The following POLR1B variants were observed in gnomAD, a reference collection of about 807,000 sequenced individuals.
POLR1B encodes DNA-directed RNA polymerase I subunit RPA2.
A neutral mutation model predicts 105.8 loss-of-function variants in POLR1B; 30 were observed. The observed-to-expected ratio is 0.28, with a 90% confidence interval of 0.21 to 0.38. The LOEUF is 0.38. POLR1B is among the 10% of genes least tolerant of loss of function. The pLI is 1.00. For missense variants in POLR1B, 976 were observed against 1,435.8 expected, an observed-to-expected ratio of 0.68 and a Z score of 5.17; for synonymous variants, 485 against 505.1, an observed-to-expected ratio of 0.96 and a Z score of 0.53.
chr2:112,559,881 C>T (rs920404082), intron 9 of POLR1B, among the ~76,000 whole-genome samples: 3 of 152,058 alleles, frequency 2.0e-5, no homozygotes, highest in Admixed American at 6.5e-5. Flanking sequence ...GTGCCTGCCT[C>T]GGCCTCCCAA....
chr2:112,550,596 AG>A, intron 4 of POLR1B: 1 of 442,824 alleles, frequency 2.3e-6, no homozygotes, highest in South Asian at 3.0e-5. Context: ...AAGTGCTAAA[AG>A]ATGTGGACTC....
rs1684855013 is a variant in POLR1B at position 112,576,318 on chromosome 2, G to GT, written c.*595dup. 1 of 127,150 alleles carries GT rather than the reference G, an allele frequency of 7.9e-6. No homozygotes were observed. The highest frequency in any genetic ancestry group is 1.7e-5 in the Non-Finnish European group (1 of 58,246). The allele number at this position is 127,150 out of a possible 1,614,324, so 7.9% of individuals were successfully genotyped here. ...TCCACAAGTTTCCTCCTGCCCCTTT[G>GT]TTTTTTGCTTTTTGGTTGCTGTTGA... On this transcript the variant is annotated 3_prime_UTR_variant, in exon 15 of 15. Transcript: ENST00000263331.
intron 1 of POLR1B, among the ~76,000 whole-genome samples, chr2:112,544,262 C>T (rs1266399679): frequency 6.6e-6 from 1 of 151,856 alleles, no homozygotes; most frequent in Non-Finnish European, 1.5e-5. Flanking sequence ...GAAACCCCAT[C>T]TCTACTAAAA....
chr2:112,563,068 T>C lies in POLR1B; in HGVS notation c.1613-1298T>C, dbSNP rs1051999694. Among the ~76,000 whole-genome samples, 22 of 148,766 alleles carry C rather than the reference T, an allele frequency of 1.5e-4. 1 individual carries two copies. Among genetic ancestry groups the C allele is most frequent in the African/African-American group, 5.5e-4 (22 of 40,364 alleles). On this transcript the variant is annotated intron_variant, in intron 9 of 14. Transcript: ENST00000263331. ...TCTTTCTTTTTTTTTTTTCTTTTTTTTTTTGAAATGGAGTCTTGCTCTGTC... is the reference window on the plus strand; with the variant it reads ...TCTTTCTTTTTTTTTTTTCTTTTTTCTTTTGAAATGGAGTCTTGCTCTGTC...
chr2:112,545,852 C>A, intron 1 of POLR1B: 1 of 345,504 alleles, frequency 2.9e-6, no homozygotes, highest in Non-Finnish European at 5.6e-6. Context: ...CCCTATGTGG[C>A]CCAGCCTGGT....
intron 7 of POLR1B, among the ~76,000 whole-genome samples, chr2:112,557,239 T>C (rs1230465339): frequency 2.0e-5 from 3 of 152,218 alleles, no homozygotes; most frequent in South Asian, 2.1e-4. Context: ...TGAAAAAATA[T>C]ACAACAAATA....
intron 14 of POLR1B, among the ~76,000 whole-genome samples, chr2:112,574,332 C>G (rs1684751758): frequency 6.6e-6 from 1 of 152,060 alleles, no homozygotes; most frequent in African/African-American, 2.4e-5. Context: ...GCTTTTGTTG[C>G]TAGTTTTCTT....
At chr2:112,570,420 C>G (rs1441418263) in intron 12 of POLR1B, among the ~76,000 whole-genome samples, 1 of 152,192 alleles carries the variant, frequency 6.6e-6, no homozygotes, top group Non-Finnish European at 1.5e-5. Context: ...TTTTTGCTTA[C>G]AGTCATGTGC....
Position 112,577,517 on chromosome 2 carries a change from C to T in POLR1B, c.*1788C>T, listed in dbSNP as rs2104589206. On this transcript the variant is annotated 3_prime_UTR_variant, in exon 15 of 15. Coordinates refer to ENST00000263331, the MANE Select transcript of POLR1B (RefSeq NM_019014.6). ...TGAGCCAAGATTGTGCCACTGCACTCCAGCCTGGGTGACAGAGCAGGACCC... is the reference window on the plus strand; with the variant it reads ...TGAGCCAAGATTGTGCCACTGCACTTCAGCCTGGGTGACAGAGCAGGACCC... Among the ~76,000 whole-genome samples the T allele has an allele frequency of 6.6e-6, 1 of 152,176 alleles. No homozygotes were observed. The highest frequency in any genetic ancestry group is 2.1e-4 in the South Asian group (1 of 4,824).
rs189485020 is a variant in POLR1B at position 112,574,377 on chromosome 2, A to G, written c.2526-470A>G. On this transcript the variant is annotated intron_variant, in intron 14 of 14. Coordinates refer to ENST00000263331, the MANE Select transcript of POLR1B (RefSeq NM_019014.6). ...CATAATTCTGTAGTGAATATCACCA[A>G]TAGCTCTATTCATACCATCTCTGTT... Among the ~76,000 whole-genome samples, 19 of 152,232 alleles carry G rather than the reference A, an allele frequency of 1.2e-4. No homozygotes were observed. In the East Asian group the frequency reaches 1.7e-3, roughly 14 times the overall value.
intron 8 of POLR1B, among the ~76,000 whole-genome samples, chr2:112,558,953 C>T (rs982865163): frequency 4.3e-4 from 64 of 150,552 alleles, no homozygotes; most frequent in African/African-American, 1.4e-3. Flanking sequence ...TTACTGTTGC[C>T]GATTCTTTCA....
At position 112,575,596 on chromosome 2, in the gene POLR1B, G is replaced by A. The variant is rs778970340; in HGVS notation, c.3275G>A (p.Arg1092His). ...EKPPPSWSAM[R>H]NRKYNCTLCS... Reference sequence around the variant, plus strand: ...CCACCCCCTTCTTGGTCTGCCATGCGCAACAGAAAATACAACTGTACTCTG... The same window carrying A: ...CCACCCCCTTCTTGGTCTGCCATGCACAACAGAAAATACAACTGTACTCTG... Residue 1092 changes from arginine (R) to histidine (H), a missense_variant, in exon 15 of 15, where the codon CGC becomes CAC. This residue lies in a region of POLR1B where 77 missense variants were observed against 104.5 expected (regional missense o/e 0.74). Coordinates refer to ENST00000263331, the MANE Select transcript of POLR1B (RefSeq NM_019014.6). The surrounding 1 kb of genome is among the most constrained non-coding windows in gnomAD (Gnocchi z 5.3). 2.0e-5 allele frequency: 32 copies of A among 1,614,004 alleles called. No homozygotes were observed. The highest frequency in any genetic ancestry group is 1.6e-4 in the Middle Eastern group (1 of 6,080).
intron 9 of POLR1B, among the ~76,000 whole-genome samples, chr2:112,560,137 A>G (rs751811213): frequency 2.6e-5 from 4 of 151,990 alleles, no homozygotes; most frequent in Non-Finnish European, 5.9e-5. Context: ...AAAAAAAAAG[A>G]TAATGGAAGT....
chr2:112,542,686 C>A lies in POLR1B; in HGVS notation c.177+15C>A. 6.2e-7 allele frequency: 1 copy of A among 1,610,110 alleles called. No individual in the cohort carries two copies. The highest frequency in any genetic ancestry group is 8.5e-7 in the Non-Finnish European group (1 of 1,178,046). ...TCGCGGTGCAGGTGAGCGCGGCGTC[C>A]GCCGGCGCCCTTGCCGCGGCGAGGC... On this transcript the variant is annotated intron_variant, in intron 1 of 14. Coordinates refer to ENST00000263331, the MANE Select transcript of POLR1B (RefSeq NM_019014.6).
In POLR1B at chr2:112,547,533, C is replaced by A. The variant is rs1224955841; in HGVS notation, c.458C>A (p.Pro153Gln). 8.1e-6 allele frequency: 13 copies of A among 1,614,062 alleles called. No individual in the cohort carries two copies. Among genetic ancestry groups the A allele is most frequent in the Non-Finnish European group, 1.1e-5 (13 of 1,180,038 alleles). ...SKLCNLRNLP[P>Q]QALIEHHEEA... is the part of the protein sequence containing the mutation. ...CTTTGCAACTTACGTAACCTTCCCC[C>A]ACAAGCCCTCATTGAGCACCATGAG... Residue 153 changes from proline (P) to glutamine (Q), a missense_variant, in exon 3 of 15, where the codon CCA becomes CAA. This residue lies in a region of POLR1B where 452 missense variants were observed against 616.5 expected (regional missense o/e 0.73). Transcript: ENST00000263331.
upstream of POLR1B, chr2:112,542,044 C>A: frequency 6.8e-7 from 1 of 1,470,132 alleles, no homozygotes; most frequent in South Asian, 1.2e-5. Context: ...ACGACTTTGG[C>A]CGGATGACTC....
Position 112,568,002 on chromosome 2 carries a change from A to G in POLR1B, c.1782A>G (p.Glu594=), listed in dbSNP as rs1394579783. Residue 594 remains glutamate, a synonymous_variant, in exon 11 of 15, where the codon GAA becomes GAG. Coordinates refer to ENST00000263331, the MANE Select transcript of POLR1B (RefSeq NM_019014.6). ...AGAAAAGAATTCCTCCCTGGATGGA[A>G]GTGGTCCTTATACCCATGACAGGAA... ...LREKRIPPWM[E]VVLIPMTGKP... 1 of 1,614,146 alleles carries G rather than the reference A, an allele frequency of 6.2e-7. No individual in the cohort carries two copies. The highest frequency in any genetic ancestry group is 1.7e-5 in the Admixed American group (1 of 60,018).
In POLR1B at chr2:112,573,833, A is replaced by T; in HGVS notation, c.2525+18A>T. The T allele has an allele frequency of 6.2e-7, 1 of 1,606,912 alleles. No individual in the cohort carries two copies. Among genetic ancestry groups the T allele is most frequent in the Non-Finnish European group, 8.5e-7 (1 of 1,175,190 alleles). ...TACTATAAGTAAGTTTGGGTATCCA[A>T]GCTGTTTTGTTTTTGTTTTTGTTTT... On this transcript the variant is annotated intron_variant, in intron 14 of 14. Coordinates refer to ENST00000263331, the MANE Select transcript of POLR1B (RefSeq NM_019014.6).
chr2:112,568,003 G>A lies in POLR1B; in HGVS notation c.1783G>A (p.Val595Met). 6.2e-7 allele frequency: 1 copy of A among 1,614,148 alleles called. No individual in the cohort carries two copies. Reference protein sequence around the residue: ...REKRIPPWMEVVLIPMTGKPS... With the variant: ...REKRIPPWMEMVLIPMTGKPS... ...GAAAAGAATTCCTCCCTGGATGGAA[G>A]TGGTCCTTATACCCATGACAGGAAA... is the stretch of plus-strand genomic sequence containing the variant. Residue 595 changes from valine to methionine, a missense_variant, in exon 11 of 15, where the codon GTG becomes ATG. Coordinates refer to ENST00000263331, the MANE Select transcript of POLR1B (RefSeq NM_019014.6).
Sources: gnomAD v4.1 joint callset for allele counts (sites outside exome capture counted in the v4.1 genomes callset) on GRCh38, gnomAD v4.1.1 for gene constraint, gnomAD v4.1.1 regional missense constraint, Gnocchi (gnomAD v3.1) non-coding constraint, MANE v1.5 for transcripts, NCBI Gene and HGNC (gene_info 2026-07-23, HGNC 2026-07-21) for gene names.